LEKR1: variants seen among roughly 807,000 people sequenced by gnomAD.
The protein encoded by LEKR1 is protein LEKR1.
A neutral mutation model predicts 72.4 loss-of-function variants in LEKR1; 59 were observed. That is an observed-to-expected ratio of 0.82 (90% CI 0.66 to 1.01). The LOEUF (loss-of-function observed/expected upper bound fraction) is 1.01. Among genes scored for constraint, LEKR1 ranks in the 50% least tolerant of loss-of-function variants. The pLI is 0.00. For missense variants in LEKR1, 728 were observed against 759.2 expected (o/e 0.96, Z 0.48); for synonymous variants, 257 against 263.2 (o/e 0.98, Z 0.23).
chr3:157,029,700 C>G (rs1488062777), intron 12 of LEKR1, among the ~76,000 whole-genome samples: 1 of 152,088 alleles, frequency 6.6e-6, no homozygotes, highest in Admixed American at 6.6e-5. Context: ...AGGGAGAGCA[C>G]ACGTGGACTT....
chr3:156,933,569 A>G (rs1725440249), intron 5 of LEKR1, among the ~76,000 whole-genome samples: 1 of 152,134 alleles, frequency 6.6e-6, no homozygotes, highest in African/African-American at 2.4e-5. Flanking sequence ...CTCATTTTTG[A>G]GTGTCTTGTC....
At chr3:156,877,496 C>T (rs1718747254) in intron 3 of LEKR1, among the ~76,000 whole-genome samples, 1 of 152,072 alleles carries the variant, frequency 6.6e-6, no homozygotes, top group Non-Finnish European at 1.5e-5. Context: ...AGTCTCACTG[C>T]TTGTTATTGG....
rs1303000895 is a variant in LEKR1, at chr3:156,900,900, G to T, written c.264-19675G>T. Among the ~76,000 whole-genome samples, 4 of 152,176 alleles carry T rather than the reference G, an allele frequency of 2.6e-5. No homozygotes were observed. The East Asian group carries it at 7.7e-4, about 29-fold the overall frequency. On this transcript the variant is annotated intron_variant, in intron 3 of 12. Transcript: ENST00000356539. The stretch of plus-strand genomic sequence containing the variant: ...TCGGCATTTATAAATGTATAATTGG[G>T]CATTATTAACGAAACTCTTTGAATG...
At chr3:157,005,665 A>ATGACATTC (rs2108018393) in intron 9 of LEKR1, among the ~76,000 whole-genome samples, 1 of 152,296 alleles carries the variant, frequency 6.6e-6, no homozygotes, top group African/African-American at 2.4e-5. Context: ...ATAAAAATCA[A>ATGACATTC]TGACATTCAA....
chr3:157,018,622 A>G (rs1188099013), intron 10 of LEKR1, among the ~76,000 whole-genome samples: 5 of 152,020 alleles, frequency 3.3e-5, no homozygotes, highest in Non-Finnish European at 7.4e-5. Flanking sequence ...GACAGCTTAC[A>G]TGAAAAAAAA....
rs977234122 is a variant in LEKR1 at position 156,919,283 on chromosome 3, T to C, written c.264-1292T>C. Among the ~76,000 whole-genome samples, 4 of 152,224 alleles carry C rather than the reference T, an allele frequency of 2.6e-5. No homozygotes were observed. In the East Asian group the frequency reaches 5.8e-4, roughly 22 times the overall value. The stretch of plus-strand genomic sequence containing the variant: ...ACGAGAGAACTAATTCACATTGTCA[T>C]GGCTGGAAATATTCTCTGATGCTCA... On this transcript the variant is annotated intron_variant, in intron 3 of 12. Coordinates refer to ENST00000356539, the MANE Select transcript of LEKR1 (RefSeq NM_001004316.3).
chr3:157,032,046 A>C (rs567264572), intron 12 of LEKR1, among the ~76,000 whole-genome samples: 3 of 152,158 alleles, frequency 2.0e-5, no homozygotes, highest in African/African-American at 7.2e-5. Context: ...AGATACATTA[A>C]AAGATTGGAA....
At chr3:156,933,049 CA>C (rs1725390824) in intron 5 of LEKR1, among the ~76,000 whole-genome samples, 6 of 151,846 alleles carry the variant, frequency 4.0e-5, no homozygotes, top group Admixed American at 1.3e-4. Flanking sequence ...AACAAACAAA[CA>C]AACAAAAATG....
At chr3:157,042,155 G>A in intron 12 of LEKR1, among the ~76,000 whole-genome samples, 1 of 141,212 alleles carries the variant, frequency 7.1e-6, no homozygotes, top group East Asian at 2.3e-4. Flanking sequence ...ATATTGTGAG[G>A]TTCACCTAAC....
intron 3 of LEKR1, among the ~76,000 whole-genome samples, chr3:156,892,657 A>G (rs1277219364): frequency 6.6e-6 from 1 of 152,174 alleles, no homozygotes; most frequent in Non-Finnish European, 1.5e-5. Flanking sequence ...CCTCACACTG[A>G]CCATAACTCA....
intron 4 of LEKR1, among the ~76,000 whole-genome samples, chr3:156,926,156 A>G (rs987275223): frequency 6.6e-6 from 1 of 152,024 alleles, no homozygotes; most frequent in Non-Finnish European, 1.5e-5. Context: ...GTTTTCACTG[A>G]TTTCACAAAT....
chr3:156,903,796 G>C (rs1722261523), intron 3 of LEKR1, among the ~76,000 whole-genome samples: 1 of 152,180 alleles, frequency 6.6e-6, no homozygotes, highest in Admixed American at 6.6e-5. Flanking sequence ...CTACCTGAAA[G>C]GGATTGCCTA....
intron 3 of LEKR1, among the ~76,000 whole-genome samples, chr3:156,879,048 G>A (rs1276334585): frequency 6.6e-6 from 1 of 152,036 alleles, no homozygotes; most frequent in African/African-American, 2.4e-5. Context: ...ACAGTAAATT[G>A]GTACCGGTAG....
At chr3:156,830,121 G>A (rs1424762694) in intron 2 of LEKR1, among the ~76,000 whole-genome samples, 5 of 152,256 alleles carry the variant, frequency 3.3e-5, no homozygotes, top group South Asian at 4.1e-4. Flanking sequence ...TTGTAACTAC[G>A]TAAAATTAAC....
chr3:156,875,585 T>G (rs1718457738), intron 3 of LEKR1, among the ~76,000 whole-genome samples: 1 of 152,160 alleles, frequency 6.6e-6, no homozygotes, highest in Non-Finnish European at 1.5e-5. Flanking sequence ...GGGTTCTTGG[T>G]CATGAACTTA....
intron 2 of LEKR1, among the ~76,000 whole-genome samples, chr3:156,844,128 T>C (rs1004255633): frequency 6.6e-6 from 1 of 152,152 alleles, no homozygotes; most frequent in African/African-American, 2.4e-5. Context: ...GGAGGAAATA[T>C]ACTTTGGAAG....
chr3:156,934,428 T>G (rs1725517862), intron 5 of LEKR1, among the ~76,000 whole-genome samples: 1 of 152,168 alleles, frequency 6.6e-6, no homozygotes, highest in Non-Finnish European at 1.5e-5. Flanking sequence ...TTAGTAACGC[T>G]TACATATTCT....
intron 3 of LEKR1, among the ~76,000 whole-genome samples, chr3:156,889,936 C>T (rs1311617502): frequency 1.3e-5 from 2 of 152,214 alleles, no homozygotes; most frequent in Non-Finnish European, 2.9e-5. Context: ...GTCAGGCTGC[C>T]TGAGTTCAAA....
intron 7 of LEKR1, among the ~76,000 whole-genome samples, chr3:156,989,152 T>A (rs1409781939): frequency 6.6e-6 from 1 of 152,184 alleles, no homozygotes; most frequent in Non-Finnish European, 1.5e-5. Flanking sequence ...TTTTGCGAAC[T>A]TTTTGCTTAG....
Sources: allele counts gnomAD v4.1 joint callset (sites outside exome capture counted in the v4.1 genomes callset), GRCh38; gene constraint gnomAD v4.1.1; transcripts MANE v1.5; gene names NCBI Gene and HGNC (gene_info 2026-07-23, HGNC 2026-07-21).